SEMA5A: variants seen among roughly 807,000 people sequenced by gnomAD.
SEMA5A encodes semaphorin 5A, also known as semaphorin-5A.
SEMA5A carries 55 observed loss-of-function variants against 135.5 expected under a neutral mutation model. The ratio of observed to expected loss-of-function variants is 0.41; its 90% CI spans 0.33 to 0.51. The LOEUF is 0.51. Ranked by LOEUF, SEMA5A falls within the 20% of genes least tolerant of loss-of-function variation. SEMA5A has a pLI of 0.37. For missense variants in SEMA5A, 1,290 were observed against 1,419.9 expected, an observed-to-expected ratio of 0.91 and a Z score of 1.47; for synonymous variants, 580 against 546.5, an observed-to-expected ratio of 1.06 and a Z score of -0.85.
intron 1 of SEMA5A, among the ~76,000 whole-genome samples, chr5:9,497,121 C>T (rs1420850802): frequency 2.0e-5 from 3 of 152,058 alleles, no homozygotes; most frequent in African/African-American, 7.2e-5. Flanking sequence ...ACATTAGATA[C>T]TTATAGGGAC....
chr5:9,091,032 T>C (rs1739004050), intron 16 of SEMA5A, among the ~76,000 whole-genome samples: 1 of 152,164 alleles, frequency 6.6e-6, no homozygotes, highest in African/African-American at 2.4e-5. Context: ...CCTTCAGTGC[T>C]TAGGCTGGGA....
At chr5:9,438,716 A>G (rs1758123869) in intron 1 of SEMA5A, among the ~76,000 whole-genome samples, 1 of 152,154 alleles carries the variant, frequency 6.6e-6, no homozygotes, top group South Asian at 2.1e-4. Context: ...TGGCTGCTAT[A>G]AATGTGAAAC....
chr5:9,175,404 C>T (rs1278059196), intron 11 of SEMA5A, among the ~76,000 whole-genome samples: 1 of 151,918 alleles, frequency 6.6e-6, no homozygotes, highest in Non-Finnish European at 1.5e-5. Context: ...ATTGGCAGTA[C>T]AAAGAAAGGA....
intron 1 of SEMA5A, among the ~76,000 whole-genome samples, chr5:9,477,700 G>A (rs778163161): frequency 6.6e-6 from 1 of 152,160 alleles, no homozygotes; most frequent in Admixed American, 6.5e-5. Context: ...CTCAAGATGT[G>A]ACCTGGGTGC....
At chr5:9,543,337 A>C (rs17328932) in intron 1 of SEMA5A, among the ~76,000 whole-genome samples, 14,656 of 152,294 alleles carry the variant, frequency 0.096, 954 homozygotes, top group Non-Finnish European at 0.14. Context: ...GTGGTCAATA[A>C]GTTTTAACAG....
At chr5:9,203,976 T>TG (rs1167984061) in intron 8 of SEMA5A, among the ~76,000 whole-genome samples, 2 of 148,034 alleles carry the variant, frequency 1.4e-5, no homozygotes, top group African/African-American at 5.1e-5. Flanking sequence ...TACTGGGTGG[T>TG]GGGTGGGGGG....
intron 13 of SEMA5A, among the ~76,000 whole-genome samples, chr5:9,132,222 G>T (rs1376803504): frequency 6.6e-6 from 1 of 152,130 alleles, no homozygotes; most frequent in Admixed American, 6.5e-5. Flanking sequence ...TAATTCCCTA[G>T]AAATATTTAT....
chr5:9,542,037 G>T (rs1738120652), intron 1 of SEMA5A, among the ~76,000 whole-genome samples: 1 of 152,168 alleles, frequency 6.6e-6, no homozygotes, highest in Non-Finnish European at 1.5e-5. Flanking sequence ...AAAAGTTTAT[G>T]TATATTCTAG....
chr5:9,098,825 C>A (rs1739468412), intron 16 of SEMA5A, among the ~76,000 whole-genome samples: 1 of 152,104 alleles, frequency 6.6e-6, no homozygotes, highest in African/African-American at 2.4e-5. Context: ...ATTGAATAAT[C>A]TTTATCATGG....
At chr5:9,489,697 G>T (rs2126796971) in intron 1 of SEMA5A, among the ~76,000 whole-genome samples, 1 of 152,276 alleles carries the variant, frequency 6.6e-6, no homozygotes, top group Non-Finnish European at 1.5e-5. Flanking sequence ...AGGGCTTGGA[G>T]GCTACGAGTG....
At chr5:9,518,642 T>C (rs1450624181) in intron 1 of SEMA5A, among the ~76,000 whole-genome samples, 1 of 152,206 alleles carries the variant, frequency 6.6e-6, no homozygotes, top group Non-Finnish European at 1.5e-5. Flanking sequence ...AACTTCTCTG[T>C]GTGTTCTCCC....
intron 13 of SEMA5A, among the ~76,000 whole-genome samples, chr5:9,128,928 C>T (rs1276576911): frequency 6.6e-6 from 1 of 152,152 alleles, no homozygotes; most frequent in African/African-American, 2.4e-5. Context: ...TGCCCTAACA[C>T]CCCCAGATGT....
chr5:9,131,876 C>G (rs1741455375), intron 13 of SEMA5A, among the ~76,000 whole-genome samples: 1 of 151,912 alleles, frequency 6.6e-6, no homozygotes, highest in Non-Finnish European at 1.5e-5. Flanking sequence ...CATATGGTAC[C>G]CTGGTCATCA....
At chr5:9,121,611 G>C (rs1740816481) in intron 14 of SEMA5A, among the ~76,000 whole-genome samples, 1 of 152,088 alleles carries the variant, frequency 6.6e-6, no homozygotes, top group African/African-American at 2.4e-5. Context: ...GTTTTACCCA[G>C]GCATCTGTGG....
intron 13 of SEMA5A, among the ~76,000 whole-genome samples, chr5:9,136,103 C>G (rs1376263768): frequency 2.0e-5 from 3 of 152,118 alleles, no homozygotes; most frequent in African/African-American, 7.2e-5. Flanking sequence ...CTTTTCTCAT[C>G]TTTCCTTATG....
chr5:9,049,109 G>A (rs1194234159), intron 21 of SEMA5A, among the ~76,000 whole-genome samples: 1 of 152,098 alleles, frequency 6.6e-6, no homozygotes, highest in African/African-American at 2.4e-5. Flanking sequence ...CTAACAGACT[G>A]CTGACTGAGC....
At chr5:9,540,218 A>G (rs1173507110) in intron 1 of SEMA5A, among the ~76,000 whole-genome samples, 1 of 152,186 alleles carries the variant, frequency 6.6e-6, no homozygotes. Context: ...AAACAGTCTC[A>G]TTGGTCTCCT....
chr5:9,307,445 G>T (rs751499832), intron 5 of SEMA5A, among the ~76,000 whole-genome samples: 4 of 151,376 alleles, frequency 2.6e-5, no homozygotes, highest in South Asian at 2.1e-4. Flanking sequence ...ACAAATTAAG[G>T]GTTCCAATCC....
At chr5:9,170,097 G>A (rs1743833138) in intron 11 of SEMA5A, among the ~76,000 whole-genome samples, 1 of 152,148 alleles carries the variant, frequency 6.6e-6, no homozygotes, top group African/African-American at 2.4e-5. Context: ...AACAAGTCAG[G>A]AGTGACAATG....
Sources: gnomAD v4.1 joint callset for allele counts (sites outside exome capture counted in the v4.1 genomes callset) on GRCh38, gnomAD v4.1.1 for gene constraint, MANE v1.5 for transcripts, NCBI Gene and HGNC (gene_info 2026-07-23, HGNC 2026-07-21) for gene names.